The following CYRIA variants were observed in gnomAD, a reference collection of about 807,000 sequenced individuals.
The protein encoded by CYRIA is CYFIP related Rac1 interactor A.
Under a neutral mutation model 43.9 loss-of-function variants are expected in CYRIA, and 15 were observed. The ratio of observed to expected loss-of-function variants is 0.34; its 90% CI spans 0.23 to 0.53. The LOEUF (loss-of-function observed/expected upper bound fraction) is 0.53, where lower values mean the gene tolerates loss of function less well. Among genes scored for constraint, CYRIA ranks in the 20% least tolerant of loss-of-function variants. The probability of loss-of-function intolerance (pLI) is 0.94; values close to 1 mark genes in which losing one functional copy is unlikely to be tolerated. For missense variants in CYRIA, 236 were observed against 394.2 expected (o/e 0.60, Z 3.40); for synonymous variants, 117 against 136.0 (o/e 0.86, Z 0.97).
chr2:16,659,028 G>C (rs547797390), intron 1 of CYRIA, among the ~76,000 whole-genome samples: 1 of 152,192 alleles, frequency 6.6e-6, no homozygotes, highest in Admixed American at 6.5e-5. Context: ...GGCATCCTCC[G>C]TGGAGGTGGG....
At chr2:16,566,027 T>C (rs1002491091) in intron 3 of CYRIA, among the ~76,000 whole-genome samples, 1 of 152,214 alleles carries the variant, frequency 6.6e-6, no homozygotes, top group African/African-American at 2.4e-5. Flanking sequence ...CACTTATTTA[T>C]GTGGAACAAT....
intron 2 of CYRIA, among the ~76,000 whole-genome samples, chr2:16,605,931 C>A (rs761624095): frequency 2.0e-5 from 3 of 152,182 alleles, no homozygotes; most frequent in Non-Finnish European, 2.9e-5. Context: ...TCTCTCACCT[C>A]TCTGGAAGTT....
rs557409965 is a variant in CYRIA at position 16,650,255 on chromosome 2, C to T, written c.-167+15525G>A. Reference sequence around the variant, plus strand: ...GGTATTATGTTGGGGTCTGCTGAGACGAAATTATGTCAATTTTATGGATGA... The same window carrying T: ...GGTATTATGTTGGGGTCTGCTGAGATGAAATTATGTCAATTTTATGGATGA... On this transcript the variant is annotated intron_variant, in intron 1 of 11. Coordinates refer to ENST00000381323, the MANE Select transcript of CYRIA (RefSeq NM_030797.4). The surrounding 1 kb of genome is among the most constrained non-coding windows in gnomAD (Gnocchi z 4.1). Among the ~76,000 whole-genome samples, 42 of 152,074 alleles carry T rather than the reference C, an allele frequency of 2.8e-4. No individual in the cohort carries two copies. Among genetic ancestry groups the T allele is most frequent in the Non-Finnish European group, 4.1e-4 (28 of 68,028 alleles).
At chr2:16,630,879 G>C (rs946279484) in intron 1 of CYRIA, among the ~76,000 whole-genome samples, 2 of 152,220 alleles carry the variant, frequency 1.3e-5, no homozygotes, top group African/African-American at 4.8e-5. Context: ...ACCTTAAGCA[G>C]GTTTGAGATG....
rs1225749428 is a variant in CYRIA, at chr2:16,560,652, C to G, written c.710+338G>C. On this transcript the variant is annotated intron_variant, in intron 9 of 11. Transcript: ENST00000381323. Reference sequence around the variant, plus strand: ...GTCAACTCCTGGTTTTATATCTTCTCTACAATATATTTATCATGATGTCCC... The same window carrying G: ...GTCAACTCCTGGTTTTATATCTTCTGTACAATATATTTATCATGATGTCCC... The G allele has an allele frequency of 4.2e-5, 13 of 309,834 alleles. No individual in the cohort carries two copies. In the Admixed American group the frequency reaches 4.8e-4, roughly 11 times the overall value. 19.2% of individuals were successfully genotyped at this position (309,834 alleles called of 1,614,324 possible). A position where few individuals can be genotyped will look rare whatever the true frequency, so the allele number is the denominator to read the frequency against.
At chr2:16,556,607 G>A (rs1322020200) in intron 10 of CYRIA, among the ~76,000 whole-genome samples, 1 of 152,118 alleles carries the variant, frequency 6.6e-6, no homozygotes, top group Admixed American at 6.5e-5. Flanking sequence ...GTGTGAATTC[G>A]ACAGCATGTT....
chr2:16,660,771 A>C (rs541913202), intron 1 of CYRIA, among the ~76,000 whole-genome samples: 29 of 152,318 alleles, frequency 1.9e-4, no homozygotes, highest in Admixed American at 6.5e-4. Context: ...GAAGTCATTA[A>C]ATAAGCAGAC....
chr2:16,577,500 C>T (rs948950958), intron 3 of CYRIA, among the ~76,000 whole-genome samples: 1 of 152,122 alleles, frequency 6.6e-6, no homozygotes, highest in Non-Finnish European at 1.5e-5. Flanking sequence ...TTGCAAAAGT[C>T]TTTAATGAAT....
At chr2:16,569,899 C>T (rs896078224) in intron 3 of CYRIA, among the ~76,000 whole-genome samples, 3 of 152,156 alleles carry the variant, frequency 2.0e-5, no homozygotes, top group Admixed American at 6.5e-5. Flanking sequence ...AGTAGATGCT[C>T]AAGAAAAATT....
At chr2:16,629,594 C>G (rs763991036) in intron 1 of CYRIA, among the ~76,000 whole-genome samples, 3 of 152,184 alleles carry the variant, frequency 2.0e-5, no homozygotes, top group African/African-American at 4.8e-5. Context: ...CCCAGAGAAG[C>G]CTGCCAGCTC....
At chr2:16,575,662 T>C (rs2103436005) in intron 3 of CYRIA, among the ~76,000 whole-genome samples, 1 of 152,068 alleles carries the variant, frequency 6.6e-6, no homozygotes, top group African/African-American at 2.4e-5. Flanking sequence ...GAGACCATCC[T>C]GGCTAACACG....
At chr2:16,665,495 G>C (rs1670366926) in intron 1 of CYRIA, among the ~76,000 whole-genome samples, 1 of 151,992 alleles carries the variant, frequency 6.6e-6, no homozygotes, top group South Asian at 2.1e-4. Context: ...GGACGAGGGA[G>C]GGTGGTCTGG....
chr2:16,626,427 G>T (rs538198592), intron 1 of CYRIA, among the ~76,000 whole-genome samples: 64 of 152,152 alleles, frequency 4.2e-4, no homozygotes, highest in African/African-American at 1.5e-3. Flanking sequence ...AGTTAACACG[G>T]ACCCCCACTC....
intron 1 of CYRIA, among the ~76,000 whole-genome samples, chr2:16,640,437 A>ACAATG (rs1669640680): frequency 7.2e-5 from 11 of 152,360 alleles, no homozygotes; most frequent in Admixed American, 7.2e-4. Flanking sequence ...GACTGGGAGA[A>ACAATG]CCACAAGGCA....
chr2:16,655,988 G>A (rs1397024070), intron 1 of CYRIA, among the ~76,000 whole-genome samples: 2 of 151,964 alleles, frequency 1.3e-5, no homozygotes, highest in African/African-American at 2.4e-5. Flanking sequence ...GGTGGTTACC[G>A]GTCCTTGAAA....
chr2:16,632,805 G>C (rs954702045), intron 1 of CYRIA, among the ~76,000 whole-genome samples: 1 of 152,104 alleles, frequency 6.6e-6, no homozygotes, highest in Non-Finnish European at 1.5e-5. Context: ...ACTGGCAATT[G>C]CGCTCCAGAC....
chr2:16,629,340 C>T (rs1260995190), intron 1 of CYRIA, among the ~76,000 whole-genome samples: 1 of 152,022 alleles, frequency 6.6e-6, no homozygotes, highest in East Asian at 1.9e-4. Context: ...GTTTAAAGCT[C>T]GTTTTTGTTT....
At chr2:16,608,440 A>T (rs1668481358) in intron 2 of CYRIA, among the ~76,000 whole-genome samples, 1 of 152,234 alleles carries the variant, frequency 6.6e-6, no homozygotes, top group Non-Finnish European at 1.5e-5. Context: ...GGAATCCCTC[A>T]TCTATTTTAA....
At chr2:16,569,691 G>A (rs1389162340) in intron 3 of CYRIA, among the ~76,000 whole-genome samples, 3 of 152,194 alleles carry the variant, frequency 2.0e-5, no homozygotes, top group African/African-American at 7.2e-5. Context: ...GAAAAGAACT[G>A]TGTGACCCAC....
Sources: gnomAD v4.1 joint callset for allele counts (sites outside exome capture counted in the v4.1 genomes callset) on GRCh38, gnomAD v4.1.1 for gene constraint, Gnocchi (gnomAD v3.1) non-coding constraint, MANE v1.5 for transcripts, NCBI Gene and HGNC (gene_info 2026-07-23, HGNC 2026-07-21) for gene names.